The following ADAM32 variants were observed in gnomAD, a reference collection of about 807,000 sequenced individuals.
The protein encoded by ADAM32 is ADAM metallopeptidase domain 32.
In ADAM32, 89 loss-of-function variants were observed where a neutral mutation model predicts 114.9. The ratio of observed to expected loss-of-function variants is 0.77; its 90% CI spans 0.65 to 0.92. The LOEUF (loss-of-function observed/expected upper bound fraction) is 0.92. Ranked by LOEUF, ADAM32 falls within the 40% of genes least tolerant of loss-of-function variation. The pLI, the probability that ADAM32 is intolerant of heterozygous loss-of-function variation, is 0.00. For synonymous variants in ADAM32, 285 were observed against 307.5 expected (o/e 0.93, Z 0.77); for missense variants, 870 against 932.8 (o/e 0.93, Z 0.88).
chr8:39,237,349 A>G (rs1810236018), intron 16 of ADAM32, among the ~76,000 whole-genome samples: 1 of 152,076 alleles, frequency 6.6e-6, no homozygotes, highest in Non-Finnish European at 1.5e-5. Flanking sequence ...CTTAGTGTGA[A>G]TTTTCCTGGG....
chr8:39,219,682 G>A (rs1405901211), intron 12 of ADAM32, among the ~76,000 whole-genome samples: 1 of 152,108 alleles, frequency 6.6e-6, no homozygotes, highest in Non-Finnish European at 1.5e-5. Flanking sequence ...ACCCTCTTTG[G>A]TGCCTCTTTC....
At chr8:39,242,443 G>A (rs1810625435) in intron 16 of ADAM32, among the ~76,000 whole-genome samples, 1 of 152,194 alleles carries the variant, frequency 6.6e-6, no homozygotes, top group African/African-American at 2.4e-5. Context: ...GCAAAAGAAA[G>A]AAGTTTAATG....
intron 22 of ADAM32, among the ~76,000 whole-genome samples, chr8:39,279,886 A>T (rs767858629): frequency 1.8e-4 from 27 of 152,272 alleles, no homozygotes; most frequent in Non-Finnish European, 3.2e-4. Flanking sequence ...AGAGGCATGC[A>T]TTGGGAGGAT....
chr8:39,205,492 G>A (rs1380424110), intron 11 of ADAM32, among the ~76,000 whole-genome samples: 1 of 152,250 alleles, frequency 6.6e-6, no homozygotes, highest in African/African-American at 2.4e-5. Flanking sequence ...TAGGGTGGGA[G>A]TGACCTGATT....
intron 16 of ADAM32, among the ~76,000 whole-genome samples, chr8:39,235,601 A>G (rs1400709905): frequency 1.3e-5 from 2 of 152,200 alleles, no homozygotes; most frequent in Non-Finnish European, 2.9e-5. Flanking sequence ...AATAACCCAG[A>G]CAATTCTTCT....
At position 39,281,188 on chromosome 8, in the gene ADAM32, A is replaced by T; in HGVS notation, c.2318+14A>T. 7.4e-7 allele frequency: 1 copy of T among 1,348,662 alleles called. No individual in the cohort carries two copies. The highest frequency in any genetic ancestry group is 9.7e-7 in the Non-Finnish European group (1 of 1,027,220). The allele number at this position is 1,348,662 out of a possible 1,614,324, so 83.5% of individuals were successfully genotyped here. A position where few individuals can be genotyped will look rare whatever the true frequency, so the allele number is the denominator to read the frequency against. On this transcript the variant is annotated intron_variant, in intron 23 of 24. Transcript: ENST00000379907. ...ATATACTAGCAGGTAAGCAGGATAG[A>T]AAGTGTTACTTATAAATAAGTATGT...
chr8:39,276,886 T>A (rs778861640), intron 22 of ADAM32, among the ~76,000 whole-genome samples: 10 of 152,216 alleles, frequency 6.6e-5, no homozygotes, highest in Non-Finnish European at 1.2e-4. Context: ...ATAAAGGCTA[T>A]GTCTATCTTG....
intron 14 of ADAM32, among the ~76,000 whole-genome samples, chr8:39,230,671 G>T (rs1035653235): frequency 5.3e-5 from 8 of 152,174 alleles, no homozygotes; most frequent in African/African-American, 1.7e-4. Flanking sequence ...AATCTCCTGT[G>T]ATGGGCCAAT....
chr8:39,120,332 T>C (rs952591993), intron 2 of ADAM32, among the ~76,000 whole-genome samples: 3 of 152,104 alleles, frequency 2.0e-5, no homozygotes, highest in African/African-American at 7.2e-5. Context: ...GAAGGGACTG[T>C]TGGTAGAAAT....
chr8:39,280,183 C>G (rs951059229), intron 22 of ADAM32, among the ~76,000 whole-genome samples: 8 of 152,162 alleles, frequency 5.3e-5, no homozygotes, highest in Non-Finnish European at 8.8e-5. Flanking sequence ...AGATCCATGC[C>G]CTCAACTCCT....
chr8:39,189,429 A>AT (rs570062742), intron 11 of ADAM32, among the ~76,000 whole-genome samples: 1 of 151,816 alleles, frequency 6.6e-6, no homozygotes, highest in South Asian at 2.1e-4. Context: ...CCATTATATC[A>AT]TTTTTTTTGG....
chr8:39,183,929 A>G (rs1407952915), intron 10 of ADAM32, among the ~76,000 whole-genome samples: 1 of 152,232 alleles, frequency 6.6e-6, no homozygotes, highest in East Asian at 1.9e-4. Flanking sequence ...AGGAAAATCC[A>G]TACCTGGGAT....
At chr8:39,211,533 T>C (rs1205690196) in intron 12 of ADAM32, among the ~76,000 whole-genome samples, 5 of 152,154 alleles carry the variant, frequency 3.3e-5, no homozygotes, top group Non-Finnish European at 7.4e-5. Flanking sequence ...CAAAAAATTA[T>C]TGGTAATGGG....
At chr8:39,181,941 C>A (rs546045811) in intron 10 of ADAM32, among the ~76,000 whole-genome samples, 1 of 152,018 alleles carries the variant, frequency 6.6e-6, no homozygotes, top group African/African-American at 2.4e-5. Context: ...GCAAGGCATA[C>A]GATAAAATTG....
intron 22 of ADAM32, among the ~76,000 whole-genome samples, chr8:39,280,325 T>A (rs903692060): frequency 6.6e-6 from 1 of 152,226 alleles, no homozygotes; most frequent in Non-Finnish European, 1.5e-5. Flanking sequence ...ACTGTCAATC[T>A]TAGTTATGCA....
At chr8:39,191,245 T>C (rs1224230038) in intron 11 of ADAM32, among the ~76,000 whole-genome samples, 4 of 152,240 alleles carry the variant, frequency 2.6e-5, no homozygotes, top group Non-Finnish European at 2.9e-5. Context: ...ATAGAACGAT[T>C]TATATTCCTT....
At chr8:39,274,594 A>T (rs1812958978) in intron 21 of ADAM32, among the ~76,000 whole-genome samples, 1 of 152,214 alleles carries the variant, frequency 6.6e-6, no homozygotes, top group Non-Finnish European at 1.5e-5. Flanking sequence ...CTAAAATGAG[A>T]TAGGACATGT....
At chr8:39,107,920 G>A in intron 1 of ADAM32, 87 bp downstream of exon 1, 1 of 1,426,630 alleles carries the variant, frequency 7.0e-7, no homozygotes, top group Non-Finnish European at 9.2e-7. Context: ...CTCCCTGTCT[G>A]GGTCCCTTTG....
chr8:39,159,442 G>A (rs1189153029), intron 6 of ADAM32, among the ~76,000 whole-genome samples: 1 of 152,168 alleles, frequency 6.6e-6, no homozygotes, highest in African/African-American at 2.4e-5. Flanking sequence ...AGAGGAGAAA[G>A]CTTAGTGTCT....
Sources: gnomAD v4.1 joint callset for allele counts (sites outside exome capture counted in the v4.1 genomes callset) on GRCh38, gnomAD v4.1.1 for gene constraint, MANE v1.5 for transcripts, NCBI Gene and HGNC (gene_info 2026-07-23, HGNC 2026-07-21) for gene names.